The following OPCML variants were observed in gnomAD, a reference collection of about 807,000 sequenced individuals.
OPCML encodes the protein opioid binding protein/cell adhesion molecule like, also known as opioid-binding protein/cell adhesion molecule.
In OPCML, 13 loss-of-function variants were observed where a neutral mutation model predicts 37.8. The observed-to-expected ratio is 0.34, with a 90% CI of 0.22 to 0.55. The LOEUF (loss-of-function observed/expected upper bound fraction) is 0.55. Among genes scored for constraint, OPCML ranks in the 20% least tolerant of loss-of-function variants. The probability of loss-of-function intolerance (pLI) is 0.91; values close to 1 mark genes in which losing one functional copy is unlikely to be tolerated. For missense variants in OPCML, 341 were observed against 435.6 expected (o/e 0.78, Z 1.93); for synonymous variants, 176 against 168.8 (o/e 1.04, Z -0.33).
intron 2 of OPCML, among the ~76,000 whole-genome samples, chr11:132,873,444 T>C (rs1942885125): frequency 6.6e-6 from 1 of 152,146 alleles, no homozygotes; most frequent in Non-Finnish European, 1.5e-5. Flanking sequence ...TACTGCGCCC[T>C]TTCCCTGAGA....
chr11:132,596,802 G>A (rs1440977297), intron 3 of OPCML, among the ~76,000 whole-genome samples: 3 of 152,210 alleles, frequency 2.0e-5, no homozygotes, highest in Admixed American at 2.0e-4. Context: ...GCAAAATGGA[G>A]CCACAGGAAT....
chr11:133,053,481 T>C (rs984087753), intron 1 of OPCML, among the ~76,000 whole-genome samples: 2 of 152,214 alleles, frequency 1.3e-5, no homozygotes, highest in African/African-American at 4.8e-5. Context: ...GTCCCCTGGT[T>C]TCCATCCACT....
intron 1 of OPCML, 162 bp downstream of exon 1, chr11:133,532,102 T>C (rs1422096653): frequency 1.4e-6 from 1 of 693,072 alleles, no homozygotes; most frequent in Non-Finnish European, 1.8e-6. Context: ...AGTGAGTGTG[T>C]GTGTGCGTGC....
chr11:133,323,845 C>T (rs2136628041), intron 1 of OPCML, among the ~76,000 whole-genome samples: 1 of 152,318 alleles, frequency 6.6e-6, no homozygotes, highest in African/African-American at 2.4e-5. Flanking sequence ...TTCATTTATG[C>T]CCTCTCCGTG....
intron 1 of OPCML, among the ~76,000 whole-genome samples, chr11:132,979,941 G>A (rs1946547389): frequency 6.6e-6 from 1 of 152,212 alleles, no homozygotes; most frequent in Non-Finnish European, 1.5e-5. Flanking sequence ...GAGCCATTTG[G>A]TCAAATATCA....
intron 2 of OPCML, among the ~76,000 whole-genome samples, chr11:132,864,885 T>C (rs894773190): frequency 1.3e-5 from 2 of 152,238 alleles, no homozygotes; most frequent in African/African-American, 4.8e-5. Context: ...GCATCTACCC[T>C]GGGCCAGGCA....
chr11:133,146,976 C>T (rs1436776341), intron 1 of OPCML, among the ~76,000 whole-genome samples: 1 of 152,196 alleles, frequency 6.6e-6, no homozygotes, highest in East Asian at 1.9e-4. Context: ...CCTTCCCCTG[C>T]AAGCTTCCCC....
intron 1 of OPCML, among the ~76,000 whole-genome samples, chr11:133,012,773 G>T (rs1490377256): frequency 6.6e-6 from 1 of 151,566 alleles, no homozygotes; most frequent in African/African-American, 2.4e-5. Flanking sequence ...TACTCGGGAG[G>T]CTGAGGCAGG....
chr11:133,255,506 A>G (rs1173880970), intron 1 of OPCML, among the ~76,000 whole-genome samples: 1 of 152,256 alleles, frequency 6.6e-6, no homozygotes, highest in African/African-American at 2.4e-5. Context: ...AACATTTTGT[A>G]TATAAACAAT....
chr11:133,027,754 T>TTGACGTGTGGTGTGTATGTGTG (rs1290052269), intron 1 of OPCML, among the ~76,000 whole-genome samples: 33 of 252 alleles, frequency 0.13, no homozygotes, highest in Non-Finnish European at 0.22. Context: ...TGTGATGTGT[T>TTGACGTGTGGTGTGTATGTGTG]TGACGTGTGG....
chr11:132,638,910 CTCTT>C (rs1319868762), intron 3 of OPCML, among the ~76,000 whole-genome samples: 1 of 152,208 alleles, frequency 6.6e-6, no homozygotes, highest in Non-Finnish European at 1.5e-5. Flanking sequence ...GTCAATTAAA[CTCTT>C]TCTCTACTGC....
rs868597554 is a variant in OPCML at position 132,469,327 on chromosome 11, G to C, written c.506-31968C>G. 5.9e-5 allele frequency among the ~76,000 whole-genome samples: 9 copies of C among 152,182 alleles called. No homozygotes were observed. The South Asian group carries it at 1.9e-3, about 32-fold the overall frequency. ...CATGGAGAGAATTTTCGTGAGACTA[G>C]AGCAGAGCAAGCACAGGGCAGGGCT... On this transcript the variant is annotated intron_variant, in intron 4 of 7. Transcript: ENST00000524381.
chr11:133,020,093 C>T (rs990635034), intron 1 of OPCML, among the ~76,000 whole-genome samples: 1 of 152,238 alleles, frequency 6.6e-6, no homozygotes. Flanking sequence ...TTCTGTCTAG[C>T]TCGCCAGAGC....
intron 1 of OPCML, among the ~76,000 whole-genome samples, chr11:133,207,996 T>C (rs927096703): frequency 6.6e-6 from 1 of 152,182 alleles, no homozygotes; most frequent in Non-Finnish European, 1.5e-5. Flanking sequence ...TTAGCACCTC[T>C]ACGCTTTGTA....
intron 1 of OPCML, among the ~76,000 whole-genome samples, chr11:133,081,109 G>A (rs927461553): frequency 1.3e-5 from 2 of 152,168 alleles, no homozygotes; most frequent in South Asian, 2.1e-4. Context: ...TTCCTTGTAG[G>A]ACACTCCTGC....
At chr11:133,197,713 G>A (rs768732526) in intron 1 of OPCML, among the ~76,000 whole-genome samples, 15 of 152,222 alleles carry the variant, frequency 9.9e-5, no homozygotes, top group Non-Finnish European at 1.9e-4. Flanking sequence ...TATTGAACTA[G>A]CAAGAGCTTG....
chr11:133,359,877 T>C (rs924842967), intron 1 of OPCML, among the ~76,000 whole-genome samples: 2 of 152,268 alleles, frequency 1.3e-5, no homozygotes, highest in African/African-American at 4.8e-5. Context: ...TAAGAGGATT[T>C]ATCCATTAAA....
At chr11:132,843,082 C>CTT (rs908099363) in intron 2 of OPCML, among the ~76,000 whole-genome samples, 7 of 99,510 alleles carry the variant, frequency 7.0e-5, no homozygotes, top group African/African-American at 1.1e-4. Flanking sequence ...AGTGTGGTTC[C>CTT]TTTTTCTTTC....
chr11:132,779,651 C>CAG (rs1424183708), intron 2 of OPCML, among the ~76,000 whole-genome samples: 1 of 152,058 alleles, frequency 6.6e-6, no homozygotes, highest in African/African-American at 2.4e-5. Context: ...CAGGACTGCC[C>CAG]AGACTCTCTG....
Sources: allele counts gnomAD v4.1 joint callset (sites outside exome capture counted in the v4.1 genomes callset), GRCh38; gene constraint gnomAD v4.1.1; transcripts MANE v1.5; gene names NCBI Gene and HGNC (gene_info 2026-07-23, HGNC 2026-07-21).